SIMC1: variants seen among roughly 807,000 people sequenced by gnomAD.
SIMC1 encodes the protein SUMO interacting motifs containing 1.
Under a neutral mutation model 82.3 loss-of-function variants are expected in SIMC1, and 55 were observed. The ratio of observed to expected loss-of-function variants is 0.67; its 90% confidence interval spans 0.54 to 0.84. The LOEUF (loss-of-function observed/expected upper bound fraction) is 0.84, where lower values mean the gene tolerates loss of function less well. SIMC1 is among the 40% of genes least tolerant of loss of function. SIMC1 has a pLI of 0.00. For synonymous variants in SIMC1, 353 were observed against 426.3 expected, an observed-to-expected ratio of 0.83 and a Z score of 2.12; for missense variants, 915 against 1,107.2, an observed-to-expected ratio of 0.83 and a Z score of 2.46.
chr5:176,302,793 A>G (rs1177849441), intron 4 of SIMC1, among the ~76,000 whole-genome samples: 1 of 152,190 alleles, frequency 6.6e-6, no homozygotes, highest in Non-Finnish European at 1.5e-5. Context: ...AAATAACACA[A>G]TTTCATTTAC....
At chr5:176,329,483 G>A (rs531482974) in intron 7 of SIMC1, among the ~76,000 whole-genome samples, 35 of 132,834 alleles carry the variant, frequency 2.6e-4, no homozygotes, top group Non-Finnish European at 4.4e-4. Context: ...GCGAAAGAGC[G>A]AGACTCCCTC....
intron 1 of SIMC1, among the ~76,000 whole-genome samples, chr5:176,264,262 G>C (rs2560161): frequency 2.6e-5 from 4 of 152,382 alleles, no homozygotes; most frequent in Non-Finnish European, 4.4e-5. Flanking sequence ...CTAAGGAGTA[G>C]CCCAGTAGGG....
chr5:176,280,030 G>T (rs1762916455), intron 1 of SIMC1, among the ~76,000 whole-genome samples: 1 of 152,082 alleles, frequency 6.6e-6, no homozygotes, highest in Non-Finnish European at 1.5e-5. Context: ...GGGTATCTTT[G>T]TTGACTTTCT....
intron 7 of SIMC1, among the ~76,000 whole-genome samples, chr5:176,333,506 G>A (rs1227784322): frequency 1.3e-5 from 2 of 151,466 alleles, no homozygotes; most frequent in East Asian, 2.0e-4. Flanking sequence ...TAAGCTCACC[G>A]CAACCTCTGC....
rs1392031518 is a variant in SIMC1, at chr5:176,252,531, C to T, written c.129+13894C>T. 2.7e-5 allele frequency among the ~76,000 whole-genome samples: 4 copies of T among 150,218 alleles called. No homozygotes were observed. In the South Asian group the frequency reaches 8.5e-4, roughly 32 times the overall value. On this transcript the variant is annotated intron_variant, in intron 1 of 9. Transcript: ENST00000429602. ...GGCGGGGCAGAGGCGCTTCCCACAT[C>T]TCAGACGATGGGCGGCCGGGCAGAG...
rs373855042 is a variant in SIMC1, at chr5:176,287,519, T to A, written c.130-2135T>A. Among the ~76,000 whole-genome samples, 11 of 152,198 alleles carry A rather than the reference T, an allele frequency of 7.2e-5. No homozygotes were observed. The East Asian group carries it at 1.5e-3, about 21-fold the overall frequency. On this transcript the variant is annotated intron_variant, in intron 1 of 9. Coordinates refer to ENST00000429602, the MANE Select transcript of SIMC1 (RefSeq NM_001308195.2). ...ACGGGAGGGATAGCATTAGGAGATA[T>A]ATCTAATGTAAATGACGACTTAATG...
chr5:176,337,205 G>A, intron 9 of SIMC1, 59 bp downstream of exon 9: 1 of 1,323,824 alleles, frequency 7.6e-7, no homozygotes, highest in Non-Finnish European at 1.1e-6. Context: ...ATTTGTATTA[G>A]TCATAACTAC....
Position 176,290,916 on chromosome 5 carries a change from C to A in SIMC1, c.1392C>A (p.Leu464=). 6.2e-7 allele frequency: 1 copy of A among 1,608,562 alleles called. No individual in the cohort carries two copies. The highest frequency in any genetic ancestry group is 8.5e-7 in the Non-Finnish European group (1 of 1,176,530). ...TCTTACGTCCTCCGGTTCATCACCT[C>A]TTCTTTCAGACGCTAATACCGGATA... is the stretch of plus-strand genomic sequence containing the variant. ...KYFLRPPVHH[L]FFQTLIPDKD... The change falls in exon 2 of 10, where the codon CTC becomes CTA. Residue 464 remains leucine, a synonymous_variant. Transcript: ENST00000429602.
chr5:176,288,415 G>GAATAAATA (rs1360699571), intron 1 of SIMC1, among the ~76,000 whole-genome samples: 21 of 95,954 alleles, frequency 2.2e-4, no homozygotes, highest in Non-Finnish European at 4.6e-4. Context: ...TCTCAAGAAT[G>GAATAAATA]AATGAATGAA....
chr5:176,252,833 A>G (rs1761724795), intron 1 of SIMC1, among the ~76,000 whole-genome samples: 1 of 152,150 alleles, frequency 6.6e-6, no homozygotes, highest in African/African-American at 2.4e-5. Flanking sequence ...ATGCCACTGC[A>G]CTCCAGCCTG....
chr5:176,301,182 A>G (rs1236312657), intron 4 of SIMC1, among the ~76,000 whole-genome samples: 2 of 152,128 alleles, frequency 1.3e-5, no homozygotes, highest in African/African-American at 2.4e-5. Flanking sequence ...GTGTTATGGG[A>G]GGGACCTGGT....
chr5:176,330,869 T>C (rs1344622566), intron 7 of SIMC1, among the ~76,000 whole-genome samples: 1 of 152,128 alleles, frequency 6.6e-6, no homozygotes, highest in Non-Finnish European at 1.5e-5. Context: ...TACTTATTTA[T>C]TACAAAGGGA....
intron 4 of SIMC1, among the ~76,000 whole-genome samples, chr5:176,304,650 C>T (rs1162461365): frequency 2.8e-5 from 4 of 145,380 alleles, no homozygotes; most frequent in East Asian, 4.2e-4. Flanking sequence ...GGCCGCCCAT[C>T]GTCTGGGATG....
chr5:176,308,032 T>G, intron 4 of SIMC1: 1 of 681,110 alleles, frequency 1.5e-6, no homozygotes. Flanking sequence ...GAAATACTAT[T>G]TAGTAATTAA....
intron 5 of SIMC1, among the ~76,000 whole-genome samples, chr5:176,321,440 T>TAA (rs953751441): frequency 1.2e-4 from 16 of 137,684 alleles, no homozygotes; most frequent in Admixed American, 1.5e-4. Flanking sequence ...AGACTCTGCC[T>TAA]AAAAAAAAAA....
intron 1 of SIMC1, among the ~76,000 whole-genome samples, chr5:176,262,210 G>C (rs950634328): frequency 2.7e-5 from 4 of 149,984 alleles, no homozygotes; most frequent in Non-Finnish European, 1.5e-5. Context: ...ACATCAGTAG[G>C]CTAAAGAAGA....
At chr5:176,262,370 A>G (rs1762045075) in intron 1 of SIMC1, among the ~76,000 whole-genome samples, 3 of 152,084 alleles carry the variant, frequency 2.0e-5, no homozygotes, top group Admixed American at 2.0e-4. Context: ...AAAACCTGCC[A>G]CTAATATCAT....
chr5:176,322,756 T>C (rs17078090), intron 6 of SIMC1: 10,715 of 207,534 alleles, frequency 0.052, 390 homozygotes, highest in African/African-American at 0.11. Context: ...ACTTCAGATA[T>C]CTGTTGCCAT....
chr5:176,256,049 A>G (rs1725472148), intron 1 of SIMC1, among the ~76,000 whole-genome samples: 1 of 152,200 alleles, frequency 6.6e-6, no homozygotes, highest in African/African-American at 2.4e-5. Flanking sequence ...AGAAGCTTCC[A>G]CAGGAAAACT....
Sources: allele counts gnomAD v4.1 joint callset (sites outside exome capture counted in the v4.1 genomes callset), GRCh38; gene constraint gnomAD v4.1.1; transcripts MANE v1.5; gene names NCBI Gene and HGNC (gene_info 2026-07-23, HGNC 2026-07-21).